The following PPP1R42 variants were observed in gnomAD, a reference collection of about 807,000 sequenced individuals.
PPP1R42 encodes leucine rich repeat containing 67.
A neutral mutation model predicts 31.0 loss-of-function variants in PPP1R42; 34 were observed. The ratio of observed to expected loss-of-function variants is 1.10; its 90% CI spans 0.83 to 1.46. PPP1R42 has a LOEUF of 1.46. Ranked by LOEUF, PPP1R42 falls within the 40% of genes most tolerant of loss-of-function variation. PPP1R42 has a pLI of 0.00. For synonymous variants in PPP1R42, 103 were observed against 109.8 expected (o/e 0.94, Z 0.39); for missense variants, 268 against 303.0 (o/e 0.88, Z 0.86).
At chr8:67,002,963 T>TG (rs1815546795) in intron 5 of PPP1R42, among the ~76,000 whole-genome samples, 1 of 150,272 alleles carries the variant, frequency 6.7e-6, no homozygotes, top group African/African-American at 2.4e-5. Context: ...GAGACCAGTC[T>TG]GGCCAACATA....
chr8:66,969,313 A>C (rs1459931779), intron 7 of PPP1R42, among the ~76,000 whole-genome samples: 3 of 152,224 alleles, frequency 2.0e-5, no homozygotes, highest in African/African-American at 7.2e-5. Context: ...ATGCTTGGCA[A>C]AGCAACAAAA....
At chr8:66,984,894 T>C in intron 6 of PPP1R42, 1 of 1,559,714 alleles carries the variant, frequency 6.4e-7, no homozygotes, top group African/African-American at 1.4e-5. Context: ...GTTTTTTCTG[T>C]TCCTTCTTGG....
chr8:66,995,092 T>C (rs377131670), intron 5 of PPP1R42, among the ~76,000 whole-genome samples: 2 of 152,188 alleles, frequency 1.3e-5, no homozygotes, highest in African/African-American at 2.4e-5. Context: ...GCATGAGAGA[T>C]TTTTTGCCTA....
intron 4 of PPP1R42, 27 bp from the exon 5 acceptor site, chr8:67,010,858 T>C (rs1170991883): frequency 6.5e-7 from 1 of 1,548,732 alleles, no homozygotes; most frequent in Non-Finnish European, 8.8e-7. Context: ...GAAGTTAGCA[T>C]TAGTAAATAG....
intron 7 of PPP1R42, among the ~76,000 whole-genome samples, chr8:66,973,058 T>C (rs1814575721): frequency 6.6e-6 from 1 of 152,236 alleles, no homozygotes; most frequent in Non-Finnish European, 1.5e-5. Context: ...CAGTAATGTA[T>C]GTAAATATCT....
chr8:66,965,578 A>C (rs1432593020), intron 7 of PPP1R42, among the ~76,000 whole-genome samples: 1 of 151,770 alleles, frequency 6.6e-6, no homozygotes, highest in African/African-American at 2.4e-5. Flanking sequence ...CCTCCCAAGT[A>C]GCTGGGACTA....
At chr8:67,003,862 G>A (rs1585668107) in intron 5 of PPP1R42, among the ~76,000 whole-genome samples, 4 of 152,164 alleles carry the variant, frequency 2.6e-5, no homozygotes, top group Admixed American at 1.3e-4. Flanking sequence ...AAGCCAAGGC[G>A]GGTGGATCAC....
chr8:67,002,023 G>A (rs1815505450), intron 5 of PPP1R42, among the ~76,000 whole-genome samples: 1 of 152,118 alleles, frequency 6.6e-6, no homozygotes, highest in African/African-American at 2.4e-5. Flanking sequence ...TTGAAGGATG[G>A]TTTCACTGGA....
chr8:67,000,721 G>T (rs1241307046), intron 5 of PPP1R42, among the ~76,000 whole-genome samples: 1 of 152,190 alleles, frequency 6.6e-6, no homozygotes, highest in Non-Finnish European at 1.5e-5. Flanking sequence ...GCCTCCCAAA[G>T]TGATAGTATT....
At chr8:67,012,208 C>G (rs1458339405) in intron 4 of PPP1R42, among the ~76,000 whole-genome samples, 2 of 152,008 alleles carry the variant, frequency 1.3e-5, no homozygotes, top group African/African-American at 4.8e-5. Flanking sequence ...TGCACTCCAG[C>G]TTGGGCGACA....
intron 7 of PPP1R42, among the ~76,000 whole-genome samples, chr8:66,965,097 GTTGAGTGTA>G (rs1814343279): frequency 6.6e-6 from 1 of 152,092 alleles, no homozygotes; most frequent in East Asian, 1.9e-4. Flanking sequence ...GATCCATGTT[GTTGAGTGTA>G]TCACTAGTTC....
chr8:66,997,708 T>C (rs1286538176), intron 5 of PPP1R42, among the ~76,000 whole-genome samples: 1 of 146,810 alleles, frequency 6.8e-6, no homozygotes, highest in Non-Finnish European at 1.5e-5. Flanking sequence ...TCCCAGCTAA[T>C]TTTTTTTAAA....
At chr8:66,997,584 T>G (rs1458692017) in intron 5 of PPP1R42, among the ~76,000 whole-genome samples, 1 of 150,276 alleles carries the variant, frequency 6.7e-6, no homozygotes, top group Non-Finnish European at 1.5e-5. Context: ...TCTCACTCTG[T>G]TGCCCAGGCT....
intron 1 of PPP1R42, among the ~76,000 whole-genome samples, 189 bp downstream of exon 1, chr8:67,028,302 C>T (rs1383740257): frequency 1.3e-5 from 2 of 152,178 alleles, no homozygotes; most frequent in Non-Finnish European, 2.9e-5. Context: ...CACAATCTTG[C>T]CAGCTAACCA....
At chr8:67,020,679 C>T (rs758704117) in intron 1 of PPP1R42, among the ~76,000 whole-genome samples, 1 of 152,224 alleles carries the variant, frequency 6.6e-6, no homozygotes, top group East Asian at 1.9e-4. Context: ...CTGCACAGTA[C>T]CTGGTACATA....
chr8:66,970,919 C>T (rs1814522093), intron 7 of PPP1R42: 3 of 1,197,502 alleles, frequency 2.5e-6, no homozygotes, highest in Non-Finnish European at 3.6e-6. Flanking sequence ...TCTTTGTTTA[C>T]TGTGAAGATG....
chr8:67,003,233 C>T (rs952603427), intron 5 of PPP1R42, among the ~76,000 whole-genome samples: 1 of 149,652 alleles, frequency 6.7e-6, no homozygotes, highest in South Asian at 2.1e-4. Context: ...CCACACTTTC[C>T]ATTTCTCTTC....
intron 1 of PPP1R42, among the ~76,000 whole-genome samples, chr8:67,018,669 T>C (rs1007559099): frequency 6.6e-6 from 1 of 150,528 alleles, no homozygotes; most frequent in African/African-American, 2.4e-5. Context: ...TGTGCCACTA[T>C]ACCCAGCAAA....
intron 7 of PPP1R42, 110 bp downstream of exon 7, chr8:66,981,939 C>G (rs894802288): frequency 8.7e-6 from 10 of 1,156,050 alleles, no homozygotes; most frequent in Non-Finnish European, 9.9e-6. Flanking sequence ...CATAAAACAA[C>G]AACAACAAAA....
Sources: allele counts gnomAD v4.1 joint callset (sites outside exome capture counted in the v4.1 genomes callset), GRCh38; gene constraint gnomAD v4.1.1; transcripts MANE v1.5; gene names NCBI Gene and HGNC (gene_info 2026-07-23, HGNC 2026-07-21).